Variants in EPHA6 observed in about 807,000 individuals in gnomAD.
EPHA6 encodes the protein ephrin type-A receptor 6.
In EPHA6, 50 loss-of-function variants were observed where a neutral mutation model predicts 112.0. The ratio of observed to expected loss-of-function variants is 0.45; its 90% CI spans 0.36 to 0.56. The LOEUF is 0.56. EPHA6 is among the 20% of genes least tolerant of loss of function. EPHA6 has a pLI of 0.00. For missense variants in EPHA6, 1,280 were observed against 1,417.4 expected, an observed-to-expected ratio of 0.90 and a Z score of 1.56; for synonymous variants, 529 against 490.7, an observed-to-expected ratio of 1.08 and a Z score of -1.03.
rs200247205 is a variant in EPHA6, at chr3:97,168,575, G to GTCTC, written c.1115-57673_1115-57670dup. Among the ~76,000 whole-genome samples the GTCTC allele has an allele frequency of 1.0e-4, 15 of 144,904 alleles. No individual in the cohort carries two copies. In the East Asian group the frequency reaches 1.6e-3, roughly 15 times the overall value. ...TTTCTTTTTCTCTCTCTTTCTCTCT[G>GTCTC]TCTCTCTCTCTCTCTCTCTGTGTGT... On this transcript the variant is annotated intron_variant, in intron 3 of 17. Coordinates refer to ENST00000389672, the MANE Select transcript of EPHA6 (RefSeq NM_001080448.3).
intron 4 of EPHA6, among the ~76,000 whole-genome samples, chr3:97,238,933 T>C (rs1289367847): frequency 1.3e-5 from 2 of 152,090 alleles, no homozygotes; most frequent in East Asian, 3.9e-4. Context: ...ATTTGGTCTA[T>C]TCGATTTTTT....
At chr3:97,049,164 T>C (rs766009274) in intron 3 of EPHA6, among the ~76,000 whole-genome samples, 1 of 152,142 alleles carries the variant, frequency 6.6e-6, no homozygotes, top group Non-Finnish European at 1.5e-5. Context: ...GCCAGTGAAA[T>C]GTAAAGGCTT....
chr3:96,981,053 G>A (rs190643414), intron 2 of EPHA6, among the ~76,000 whole-genome samples: 5 of 152,066 alleles, frequency 3.3e-5, no homozygotes, highest in Non-Finnish European at 7.4e-5. Context: ...TCTTTCTTCT[G>A]CCTAATTGCC....
intron 1 of EPHA6, among the ~76,000 whole-genome samples, chr3:96,830,233 T>A (rs1296013772): frequency 6.6e-6 from 1 of 152,096 alleles, no homozygotes; most frequent in Non-Finnish European, 1.5e-5. Flanking sequence ...AACAAATGGA[T>A]AACATCAGGT....
Position 97,405,143 on chromosome 3 carries a change from C to G in EPHA6, c.1607-7C>G. On this transcript the variant is annotated splice_polypyrimidine_tract_variant and splice_region_variant and intron_variant, in intron 5 of 17. Transcript: ENST00000389672. ...AATTAATTCTTAGTTATTTTCTTTC[C>G]TTTCAGCACCTTCCCTGATAGGTGT... 6.3e-7 allele frequency: 1 copy of G among 1,580,886 alleles called. No individual in the cohort carries two copies. Among genetic ancestry groups the G allele is most frequent in the South Asian group, 1.2e-5 (1 of 86,228 alleles).
intron 10 of EPHA6, among the ~76,000 whole-genome samples, chr3:97,504,554 AG>A (rs1353927814): frequency 1.3e-5 from 2 of 152,106 alleles, no homozygotes; most frequent in Non-Finnish European, 2.9e-5. Context: ...TTTCCATTGC[AG>A]GCATGTCTGA....
At position 97,754,619 on chromosome 3, in the gene EPHA6, T is replaced by C. The variant is rs2035980458; in HGVS notation, c.*5918T>C. Among the ~76,000 whole-genome samples, 1 of 152,258 alleles carries C rather than the reference T, an allele frequency of 6.6e-6. No individual in the cohort carries two copies. Among genetic ancestry groups the C allele is most frequent in the African/African-American group, 2.4e-5 (1 of 41,480 alleles). On this transcript the variant is annotated 3_prime_UTR_variant, in exon 18 of 18. Transcript: ENST00000389672. Reference sequence around the variant, plus strand: ...AAACTTTACCTTTTAAAAAGGAATCTGTCAACTGCAAAGTTTGTATATCTC... The same window carrying C: ...AAACTTTACCTTTTAAAAAGGAATCCGTCAACTGCAAAGTTTGTATATCTC...
chr3:97,493,997 CA>C (rs560566556), intron 10 of EPHA6, among the ~76,000 whole-genome samples: 141 of 152,234 alleles, frequency 9.3e-4, no homozygotes, highest in Non-Finnish European at 1.4e-3. Flanking sequence ...AGAAAGATTT[CA>C]AAAAATCAAT....
rs547018905 is a variant in EPHA6 at position 97,753,465 on chromosome 3, G to T, written c.*4764G>T. On this transcript the variant is annotated 3_prime_UTR_variant, in exon 18 of 18. Coordinates refer to ENST00000389672, the MANE Select transcript of EPHA6 (RefSeq NM_001080448.3). ...CGAAACACTCCATAACCCCTCTGGC[G>T]GAGGGGAAGCATACTTCCTGGGTTC... 2.2e-4 allele frequency among the ~76,000 whole-genome samples: 33 copies of T among 152,164 alleles called. No homozygotes were observed. The South Asian group carries it at 5.8e-3, about 27-fold the overall frequency.
Position 97,244,215 on chromosome 3 carries a change from A to G in EPHA6, c.1534A>G (p.Met512Val), listed in dbSNP as rs1408331926. The change falls in exon 5 of 18, where the codon ATG becomes GTG. Residue 512 changes from methionine to valine, a missense_variant. By Grantham distance (21) the Met-to-Val change is conservative. Around this residue, in one of 4 missense-constraint regions of EPHA6, gnomAD observed 878 missense variants for 999.7 expected, o/e 0.88. Transcript: ENST00000389672. ...HVNYTFEIEA[M>V]NGVSELSFSP... ...GAATTACACCTTTGAAATAGAAGCA[A>G]TGAATGGAGTTTCTGAGTTGAGTTT... The G allele has an allele frequency of 1.2e-6, 2 of 1,613,214 alleles. No homozygotes were observed. Among genetic ancestry groups the G allele is most frequent in the Admixed American group, 1.7e-5 (1 of 59,894 alleles).
intron 2 of EPHA6, among the ~76,000 whole-genome samples, chr3:96,932,240 A>C (rs2040362287): frequency 6.6e-6 from 1 of 152,038 alleles, no homozygotes; most frequent in Non-Finnish European, 1.5e-5. Flanking sequence ...TACTATATTC[A>C]TTCACCCCTT....
At chr3:97,347,235 A>T (rs1277795592) in intron 5 of EPHA6, among the ~76,000 whole-genome samples, 2 of 151,908 alleles carry the variant, frequency 1.3e-5, no homozygotes, top group Admixed American at 6.6e-5. Flanking sequence ...TATCTTCATA[A>T]TTTACTTCAC....
chr3:97,620,446 A>G (rs970864474), intron 13 of EPHA6, among the ~76,000 whole-genome samples: 6 of 152,126 alleles, frequency 3.9e-5, no homozygotes, highest in Non-Finnish European at 8.8e-5. Context: ...GAGCTTCCAC[A>G]TAGCAAAAGA....
At chr3:97,389,636 C>T (rs1242524329) in intron 5 of EPHA6, among the ~76,000 whole-genome samples, 1 of 151,978 alleles carries the variant, frequency 6.6e-6, no homozygotes, top group East Asian at 1.9e-4. Context: ...CTGTATTTTT[C>T]CTTAGAAATT....
chr3:97,031,627 G>C (rs1396619448), intron 3 of EPHA6, among the ~76,000 whole-genome samples: 3 of 152,116 alleles, frequency 2.0e-5, no homozygotes, highest in Non-Finnish European at 2.9e-5. Context: ...CCATCAAAAA[G>C]TGGGCAAAGG....
rs192123264 is a variant in EPHA6 at position 97,341,504 on chromosome 3, G to A, written c.1607-63646G>A. On this transcript the variant is annotated intron_variant, in intron 5 of 17. Coordinates refer to ENST00000389672, the MANE Select transcript of EPHA6 (RefSeq NM_001080448.3). ...CAAGTAGCTGGGATTACAGGTGCCCGCCACCACGCCTGGCTAATTTTTGTA... is the reference window on the plus strand; with the variant it reads ...CAAGTAGCTGGGATTACAGGTGCCCACCACCACGCCTGGCTAATTTTTGTA... 8.8e-3 allele frequency among the ~76,000 whole-genome samples: 1,336 copies of A among 151,956 alleles called. 21 individuals carry two copies. The highest frequency in any genetic ancestry group is 0.03 in the African/African-American group (1,224 of 41,474).
At chr3:97,183,918 T>C (rs1247520583) in intron 3 of EPHA6, among the ~76,000 whole-genome samples, 1 of 152,140 alleles carries the variant, frequency 6.6e-6, no homozygotes, top group East Asian at 1.9e-4. Context: ...CTTAGTTCTG[T>C]GTTACACTTT....
chr3:97,046,341 C>CATTTCAAT (rs2045506297), intron 3 of EPHA6, among the ~76,000 whole-genome samples: 1 of 152,048 alleles, frequency 6.6e-6, no homozygotes, highest in Non-Finnish European at 1.5e-5. Context: ...TCAATAGATG[C>CATTTCAAT]AGAAAATTCC....
chr3:97,433,912 T>A (rs544902310), intron 6 of EPHA6, among the ~76,000 whole-genome samples: 1 of 152,252 alleles, frequency 6.6e-6, no homozygotes, highest in East Asian at 1.9e-4. Flanking sequence ...CCCCCATGGC[T>A]TGGTGCTTTC....
Sources: allele counts gnomAD v4.1 joint callset (sites outside exome capture counted in the v4.1 genomes callset), GRCh38; gene constraint gnomAD v4.1.1; regional missense constraint gnomAD v4.1.1; transcripts MANE v1.5; gene names NCBI Gene and HGNC (gene_info 2026-07-23, HGNC 2026-07-21).